Variants in CMIP observed in about 807,000 individuals in gnomAD.
CMIP encodes the protein c-Maf inducing protein.
In CMIP, 13 loss-of-function variants were observed where a neutral mutation model predicts 97.3. The observed-to-expected ratio is 0.13, with a 90% CI of 0.09 to 0.21. The LOEUF (loss-of-function observed/expected upper bound fraction) is 0.21. Among genes scored for constraint, CMIP ranks in the 10% least tolerant of loss-of-function variants. The pLI, the probability that CMIP is intolerant of heterozygous loss-of-function variation, is 1.00. For synonymous variants in CMIP, 538 were observed against 436.3 expected (o/e 1.23, Z -2.91); for missense variants, 847 against 1,024.9 (o/e 0.83, Z 2.37).
Position 81,607,646 on chromosome 16 carries a change from A to G in CMIP, c.380A>G (p.Lys127Arg). ...VQLLSWENAP[K>R]YCLQLTIPGG... Reference sequence around the variant, plus strand: ...CTGCTGTCCTGGGAGAATGCCCCGAAGTACTGTTTACAGCTCACGATTCCT... The same window carrying G: ...CTGCTGTCCTGGGAGAATGCCCCGAGGTACTGTTTACAGCTCACGATTCCT... The change falls in exon 2 of 21, where the codon AAG becomes AGG. Residue 127 changes from lysine (K) to arginine (R), a missense_variant. Transcript: ENST00000537098. The G allele has an allele frequency of 1.2e-6, 2 of 1,614,060 alleles. No individual in the cohort carries two copies. Among genetic ancestry groups the G allele is most frequent in the Non-Finnish European group, 1.7e-6 (2 of 1,179,904 alleles).
intron 9 of CMIP, among the ~76,000 whole-genome samples, chr16:81,674,456 T>C (rs1467836439): frequency 7.2e-5 from 11 of 151,898 alleles, no homozygotes; most frequent in Admixed American, 7.2e-4. Context: ...ATACCCAGAG[T>C]GTGCAGGAGC....
At chr16:81,516,552 G>A (rs942946327) in intron 1 of CMIP, among the ~76,000 whole-genome samples, 3 of 152,186 alleles carry the variant, frequency 2.0e-5, no homozygotes, top group Admixed American at 2.0e-4. Flanking sequence ...TCTGCCTTCA[G>A]GACTCAGCTC....
At position 81,678,311 on chromosome 16, in the gene CMIP, C is replaced by T. The variant is rs772022671; in HGVS notation, c.1071C>T (p.Asn357=). 30 of 1,607,852 alleles carry T rather than the reference C, an allele frequency of 1.9e-5. No individual in the cohort carries two copies. Among genetic ancestry groups the T allele is most frequent in the African/African-American group, 2.7e-5 (2 of 74,862 alleles). The part of the protein sequence containing the change: ...DNSPSLKEIR[N]GCQQPCDRKP... ...CCCCAAGCCTGAAGGAAATCCGGAA[C>T]GGCTGCCAGCAGCCGTGCGACCGGA... The change falls in exon 10 of 21, where the codon AAC becomes AAT. Residue 357 remains asparagine (N), a synonymous_variant. Transcript: ENST00000537098.
intron 3 of CMIP, among the ~76,000 whole-genome samples, chr16:81,649,353 C>G (rs556195325): frequency 2.0e-4 from 30 of 152,370 alleles, no homozygotes; most frequent in African/African-American, 7.2e-4. Context: ...GGTGTACCGA[C>G]CCCGAGGGCT....
At chr16:81,668,546 C>T (rs150017269) in intron 7 of CMIP, among the ~76,000 whole-genome samples, 1 of 152,298 alleles carries the variant, frequency 6.6e-6, no homozygotes, top group East Asian at 1.9e-4. Context: ...TGGCCCTCAG[C>T]CGGCACAGGC....
At chr16:81,593,670 C>T (rs1019873706) in intron 1 of CMIP, among the ~76,000 whole-genome samples, 12 of 152,206 alleles carry the variant, frequency 7.9e-5, no homozygotes, top group Non-Finnish European at 1.5e-4. Context: ...CCACCTGGCG[C>T]GTCTGGGCAT....
At chr16:81,577,304 T>C (rs1214972195) in intron 1 of CMIP, among the ~76,000 whole-genome samples, 6 of 145,732 alleles carry the variant, frequency 4.1e-5, no homozygotes, top group Non-Finnish European at 9.0e-5. Context: ...ACCACCATCA[T>C]CCCCATTACC....
chr16:81,552,153 A>AG (rs972694742), intron 1 of CMIP, among the ~76,000 whole-genome samples: 2 of 152,096 alleles, frequency 1.3e-5, no homozygotes, highest in Non-Finnish European at 2.9e-5. Flanking sequence ...CCTGGCTGCA[A>AG]GGGGGCAGGG....
intron 3 of CMIP, among the ~76,000 whole-genome samples, chr16:81,625,551 G>A (rs1034954193): frequency 5.9e-5 from 9 of 152,240 alleles, no homozygotes; most frequent in East Asian, 3.9e-4. Context: ...GGCCAAGAGC[G>A]TGTTCAGGCT....
At chr16:81,706,976 C>T (rs368915592) in intron 19 of CMIP, 38 bp from the exon 20 acceptor site, 5 of 1,585,862 alleles carry the variant, frequency 3.2e-6, no homozygotes, top group Non-Finnish European at 3.5e-6. Context: ...ACCTTTGGGG[C>T]CTCGCTCTCC....
intron 18 of CMIP, among the ~76,000 whole-genome samples, chr16:81,704,875 T>C (rs1907949763): frequency 6.6e-6 from 1 of 151,394 alleles, no homozygotes; most frequent in Non-Finnish European, 1.5e-5. Flanking sequence ...TTGGAAATAA[T>C]GTGCCCAGTT....
chr16:81,599,068 G>A (rs575522378), intron 1 of CMIP, among the ~76,000 whole-genome samples: 62 of 151,918 alleles, frequency 4.1e-4, no homozygotes, highest in African/African-American at 8.7e-4. Context: ...GTCAGTCGGC[G>A]TCTGGAGAAT....
At chr16:81,536,614 G>T (rs1210954355) in intron 1 of CMIP, among the ~76,000 whole-genome samples, 2 of 152,128 alleles carry the variant, frequency 1.3e-5, no homozygotes, top group African/African-American at 4.8e-5. Context: ...GCTACCTCAG[G>T]TGGACACCTG....
chr16:81,530,693 G>A (rs545764622), intron 1 of CMIP, among the ~76,000 whole-genome samples: 6 of 152,192 alleles, frequency 3.9e-5, no homozygotes, highest in Non-Finnish European at 5.9e-5. Context: ...TGCTACCTCC[G>A]AGGCTTCTGT....
chr16:81,652,143 C>A lies in CMIP; in HGVS notation c.478-60C>A. The A allele has an allele frequency of 7.3e-7, 1 of 1,377,880 alleles. No individual in the cohort carries two copies. The highest frequency in any genetic ancestry group is 1.0e-6 in the Non-Finnish European group (1 of 975,182). The allele number at this position is 1,377,880 out of a possible 1,614,324, so 85.4% of individuals were successfully genotyped here. A position where few individuals can be genotyped will look rare whatever the true frequency, so the allele number is the denominator to read the frequency against. On this transcript the variant is annotated intron_variant, in intron 3 of 20. Transcript: ENST00000537098. The surrounding 1 kb of genome is among the most constrained non-coding windows in gnomAD (Gnocchi z 5.2). Reference sequence around the variant, plus strand: ...ACCCATCTGATTCTTTGATTGTCTTCCATCTTCTGCCTTCCTTACGTGAGT... The same window carrying A: ...ACCCATCTGATTCTTTGATTGTCTTACATCTTCTGCCTTCCTTACGTGAGT...
chr16:81,497,854 C>CAT (rs2089520624), intron 1 of CMIP, among the ~76,000 whole-genome samples: 1 of 152,246 alleles, frequency 6.6e-6, no homozygotes, highest in Non-Finnish European at 1.5e-5. Context: ...TCCTTCTGCC[C>CAT]GTGCAGCGTG....
chr16:81,481,726 AGTT>A (rs879599000), intron 1 of CMIP, among the ~76,000 whole-genome samples: 17 of 152,100 alleles, frequency 1.1e-4, no homozygotes, highest in Admixed American at 7.2e-4. Flanking sequence ...TAGGGGCTAA[AGTT>A]GAGGTGTTGT....
At chr16:81,557,024 C>T (rs1050965288) in intron 1 of CMIP, among the ~76,000 whole-genome samples, 1 of 152,098 alleles carries the variant, frequency 6.6e-6, no homozygotes, top group Non-Finnish European at 1.5e-5. Context: ...GCAAAGTGTC[C>T]GGGTTAGTTC....
At chr16:81,531,823 A>G (rs2090241665) in intron 1 of CMIP, among the ~76,000 whole-genome samples, 1 of 152,242 alleles carries the variant, frequency 6.6e-6, no homozygotes, top group Admixed American at 6.5e-5. Context: ...ATTGACTAAG[A>G]AACATTCATT....
Sources: allele counts gnomAD v4.1 joint callset (sites outside exome capture counted in the v4.1 genomes callset), GRCh38; gene constraint gnomAD v4.1.1; non-coding constraint Gnocchi (gnomAD v3.1); transcripts MANE v1.5; gene names NCBI Gene and HGNC (gene_info 2026-07-23, HGNC 2026-07-21).